CCDC171: variants seen among roughly 807,000 people sequenced by gnomAD.
CCDC171 encodes coiled-coil domain-containing protein 171.
CCDC171 carries 177 observed loss-of-function variants against 168.2 expected under a neutral mutation model. The observed-to-expected ratio is 1.05, with a 90% confidence interval of 0.93 to 1.19. The LOEUF (loss-of-function observed/expected upper bound fraction) is 1.19, where lower values mean the gene tolerates loss of function less well. Ranked by LOEUF, CCDC171 falls within the 50% of genes most tolerant of loss-of-function variation. The pLI is 0.00. For missense variants in CCDC171, 1,991 were observed against 1,539.0 expected (o/e 1.29, Z -4.91); for synonymous variants, 687 against 540.8 (o/e 1.27, Z -3.75).
the CCDC171 span, among the ~76,000 whole-genome samples, chr9:16,094,585 A>G: frequency 6.6e-6 from 1 of 152,190 alleles, no homozygotes; most frequent in East Asian, 1.9e-4. Context: ...TTGTAGGAAA[A>G]GAAGTTATTT....
chr9:15,914,568 C>A (rs1227703912), intron 24 of CCDC171, among the ~76,000 whole-genome samples: 1 of 152,204 alleles, frequency 6.6e-6, no homozygotes, highest in African/African-American at 2.4e-5. Flanking sequence ...GCCAGTGGAT[C>A]TTAGCTTGCT....
chr9:15,807,625 C>G (rs1457310267), intron 21 of CCDC171, among the ~76,000 whole-genome samples: 1 of 151,948 alleles, frequency 6.6e-6, no homozygotes, highest in Admixed American at 6.6e-5. Flanking sequence ...TACTACTTTG[C>G]TCTTCAGTTG....
chr9:15,734,783 T>G (rs1244366075), intron 16 of CCDC171, among the ~76,000 whole-genome samples: 4 of 152,180 alleles, frequency 2.6e-5, no homozygotes, highest in Non-Finnish European at 4.4e-5. Context: ...AATTTTCATT[T>G]TACATTACTT....
intron 6 of CCDC171, among the ~76,000 whole-genome samples, chr9:15,617,384 T>G (rs972078879): frequency 6.6e-6 from 1 of 151,236 alleles, no homozygotes; most frequent in African/African-American, 2.4e-5. Flanking sequence ...GGAGGGTTTT[T>G]TTTTTTTTTT....
chr9:16,087,557 C>CTTTTTTTTT, the CCDC171 span, among the ~76,000 whole-genome samples: 5 of 78,802 alleles, frequency 6.3e-5, no homozygotes, highest in Admixed American at 1.5e-4. Context: ...GCAACTCCTG[C>CTTTTTTTTT]TTTTTTTTTT....
chr9:15,772,067 CAAGT>C (rs2057041636), intron 18 of CCDC171, among the ~76,000 whole-genome samples: 1 of 152,162 alleles, frequency 6.6e-6, no homozygotes, highest in African/African-American at 2.4e-5. Flanking sequence ...CTCCTGACCT[CAAGT>C]AATCTGCCAG....
At chr9:15,643,372 G>C (rs1439075214) in intron 7 of CCDC171, among the ~76,000 whole-genome samples, 2 of 151,984 alleles carry the variant, frequency 1.3e-5, no homozygotes, top group East Asian at 3.9e-4. Context: ...TTCTGGTGTG[G>C]GCTAAACATA....
At chr9:15,699,851 CAG>C (rs1449144319) in intron 11 of CCDC171, among the ~76,000 whole-genome samples, 1 of 152,196 alleles carries the variant, frequency 6.6e-6, no homozygotes, top group African/African-American at 2.4e-5. Context: ...GAGCTAGACA[CAG>C]GGTGCTGATT....
At chr9:15,812,739 T>C (rs1563788448) in intron 21 of CCDC171, among the ~76,000 whole-genome samples, 2 of 152,110 alleles carry the variant, frequency 1.3e-5, no homozygotes, top group Non-Finnish European at 2.9e-5. Context: ...TCTCTTGAGT[T>C]TTTGCCCAAC....
At chr9:15,605,965 A>C (rs1359130237) in intron 6 of CCDC171, among the ~76,000 whole-genome samples, 2 of 152,166 alleles carry the variant, frequency 1.3e-5, no homozygotes, top group African/African-American at 4.8e-5. Flanking sequence ...ACATGACACC[A>C]GTGGATGCCT....
At chr9:15,580,619 A>G (rs1482164833) in intron 4 of CCDC171, among the ~76,000 whole-genome samples, 1 of 152,166 alleles carries the variant, frequency 6.6e-6, no homozygotes, top group Non-Finnish European at 1.5e-5. Context: ...GCCAAAAAAC[A>G]TATGAAAAAA....
the CCDC171 span, among the ~76,000 whole-genome samples, chr9:16,098,203 A>G: frequency 6.6e-6 from 1 of 152,110 alleles, no homozygotes; most frequent in Non-Finnish European, 1.5e-5. Context: ...TTTTCCCCTA[A>G]TGCATAAAAT....
intron 6 of CCDC171, among the ~76,000 whole-genome samples, chr9:15,613,999 G>A (rs79703555): frequency 6.6e-6 from 1 of 152,188 alleles, no homozygotes; most frequent in Non-Finnish European, 1.5e-5. Flanking sequence ...CTTAAATGCC[G>A]TGAACAAATA....
At chr9:15,745,767 GAGATTGTTAACT>G in intron 18 of CCDC171, 136 bp downstream of exon 18, 3 of 497,580 alleles carry the variant, frequency 6.0e-6, no homozygotes, top group Non-Finnish European at 6.9e-6. Flanking sequence ...CAGTCATAGA[GAGATTGTTAACT>G]CTGTACTTAA....
At chr9:15,671,693 CT>C (rs34668604) in intron 9 of CCDC171, among the ~76,000 whole-genome samples, 69,094 of 151,816 alleles carry the variant, frequency 0.46, 16,243 homozygotes, top group East Asian at 0.75. Context: ...TGAGCTCATC[CT>C]TTTTTATGGC....
intron 21 of CCDC171, among the ~76,000 whole-genome samples, chr9:15,813,810 C>A (rs1306172321): frequency 1.3e-5 from 2 of 152,054 alleles, no homozygotes; most frequent in Non-Finnish European, 2.9e-5. Context: ...TTTTAAAATA[C>A]TGTAGTTTTG....
chr9:15,603,130 C>T (rs1015400330), intron 6 of CCDC171, among the ~76,000 whole-genome samples: 2 of 151,924 alleles, frequency 1.3e-5, no homozygotes, highest in South Asian at 2.1e-4. Context: ...TACAGGCGCC[C>T]GTCACCACGC....
At chr9:15,738,712 T>C (rs1368970862) in intron 16 of CCDC171, among the ~76,000 whole-genome samples, 1 of 152,168 alleles carries the variant, frequency 6.6e-6, no homozygotes, top group Non-Finnish European at 1.5e-5. Context: ...CAGTAAATAA[T>C]GCAATACCTC....
intron 3 of CCDC171, among the ~76,000 whole-genome samples, chr9:16,008,362 C>T (rs1321753193): frequency 1.3e-5 from 2 of 152,030 alleles, no homozygotes; most frequent in East Asian, 1.9e-4. Context: ...GGTTGTGGCA[C>T]CATACTAGGT....
Sources: allele counts gnomAD v4.1 joint callset (sites outside exome capture counted in the v4.1 genomes callset), GRCh38; gene constraint gnomAD v4.1.1; transcripts MANE v1.5; gene names NCBI Gene and HGNC (gene_info 2026-07-23, HGNC 2026-07-21).